ANKMY1: variants seen among roughly 807,000 people sequenced by gnomAD.
ANKMY1 encodes the protein ankyrin repeat and MYND domain-containing protein 1.
In ANKMY1, 98 loss-of-function variants were observed where a neutral mutation model predicts 102.0. The ratio of observed to expected loss-of-function variants is 0.96; its 90% CI spans 0.82 to 1.14. The LOEUF (loss-of-function observed/expected upper bound fraction) is 1.14, where lower values mean the gene tolerates loss of function less well. ANKMY1 is among the 50% of genes most tolerant of loss of function. ANKMY1 has a pLI of 0.00. For synonymous variants in ANKMY1, 582 were observed against 559.9 expected (o/e 1.04, Z -0.56); for missense variants, 1,330 against 1,347.6 (o/e 0.99, Z 0.20).
At chr2:240,550,883 T>C (rs1156345081) in intron 4 of ANKMY1, among the ~76,000 whole-genome samples, 1 of 152,228 alleles carries the variant, frequency 6.6e-6, no homozygotes, top group Non-Finnish European at 1.5e-5. Context: ...ACTTTTGTCA[T>C]CCACAATTGT....
chr2:240,561,030 G>C (rs1051616309), upstream of ANKMY1: 9 of 1,533,670 alleles, frequency 5.9e-6, no homozygotes, highest in Admixed American at 8.3e-5. Context: ...CGTCTGCACC[G>C]CGTACCTCAT....
chr2:240,544,889 A>T (rs1018886247), intron 4 of ANKMY1, among the ~76,000 whole-genome samples: 1 of 152,212 alleles, frequency 6.6e-6, no homozygotes, highest in Admixed American at 6.5e-5. Flanking sequence ...TTGCTAGCAC[A>T]GCAGTCTGAG....
chr2:240,497,861 G>C (rs73104100), intron 15 of ANKMY1, among the ~76,000 whole-genome samples: 1 of 152,034 alleles, frequency 6.6e-6, no homozygotes, highest in Non-Finnish European at 1.5e-5. Context: ...ATACTTCTCC[G>C]TAAGTGACAC....
rs757664795 is a variant in ANKMY1, at chr2:240,520,521, G to A, written c.1845C>T (p.Arg615=). 15 of 1,612,044 alleles carry A rather than the reference G, an allele frequency of 9.3e-6. No individual in the cohort carries two copies. The highest frequency in any genetic ancestry group is 1.2e-5 in the Non-Finnish European group (14 of 1,179,168). Residue 615 remains arginine (R), a synonymous_variant, in exon 9 of 18, where the codon CGC becomes CGT. Coordinates refer to ENST00000401804, the MANE Select transcript of ANKMY1 (RefSeq NM_001282771.3). The surrounding 1 kb of genome is among the most constrained non-coding windows in gnomAD (Gnocchi z 4.8). ...GCAGCAGCAGCTTGATGGTCCGCCA[G>A]CGCTTCCTCCGCCTGAAAAAGACGG... The part of the protein sequence containing the change: ...MALSMIERRK[R]WRTIKLLLRR...
At chr2:240,550,158 T>C (rs1375801454) in intron 4 of ANKMY1, among the ~76,000 whole-genome samples, 2 of 151,954 alleles carry the variant, frequency 1.3e-5, no homozygotes, top group South Asian at 2.1e-4. Context: ...AAATGTGGCA[T>C]ATATACACCA....
At chr2:240,518,454 G>A (rs754967122) in intron 9 of ANKMY1, among the ~76,000 whole-genome samples, 2 of 152,114 alleles carry the variant, frequency 1.3e-5, no homozygotes, top group Non-Finnish European at 2.9e-5. Flanking sequence ...ATTTTAGTCG[G>A]TTGAGGACAG....
chr2:240,538,447 C>T (rs913723878), intron 4 of ANKMY1, among the ~76,000 whole-genome samples: 24 of 152,174 alleles, frequency 1.6e-4, no homozygotes, highest in African/African-American at 5.1e-4. Flanking sequence ...GAGGGTGCGC[C>T]AGGTCCCTCA....
intron 4 of ANKMY1, among the ~76,000 whole-genome samples, chr2:240,531,868 A>T (rs1055765050): frequency 2.6e-5 from 4 of 152,236 alleles, no homozygotes; most frequent in Non-Finnish European, 5.9e-5. Context: ...TAAAATCAGT[A>T]AATCATGTTG....
chr2:240,483,870 T>A (rs1324649093), intron 15 of ANKMY1, among the ~76,000 whole-genome samples: 2 of 152,090 alleles, frequency 1.3e-5, no homozygotes. Context: ...AGTGTGTGAT[T>A]TTCCCCTCCC....
intron 13 of ANKMY1, among the ~76,000 whole-genome samples, chr2:240,501,323 C>T (rs757160220): frequency 6.6e-6 from 1 of 152,124 alleles, no homozygotes; most frequent in African/African-American, 2.4e-5. Context: ...ATGCATGCAC[C>T]TATGTGCATG....
intron 4 of ANKMY1, chr2:240,532,113 C>T (rs770352768): frequency 8.5e-6 from 4 of 468,166 alleles, no homozygotes; most frequent in South Asian, 4.7e-5. Flanking sequence ...TCCAGATCCA[C>T]AAATGGAAAC....
chr2:240,534,564 T>C (rs1464237158), intron 4 of ANKMY1, among the ~76,000 whole-genome samples: 3 of 150,768 alleles, frequency 2.0e-5, no homozygotes, highest in Non-Finnish European at 4.4e-5. Flanking sequence ...GTCACACCAC[T>C]GCACCCCAGC....
chr2:240,533,274 G>C (rs2085882341), intron 4 of ANKMY1, among the ~76,000 whole-genome samples: 1 of 152,078 alleles, frequency 6.6e-6, no homozygotes, highest in South Asian at 2.1e-4. Context: ...TGAGAAAAAA[G>C]AGAAGAAATG....
chr2:240,480,802 T>C, intron 17 of ANKMY1, 135 bp downstream of exon 17: 1 of 1,300,582 alleles, frequency 7.7e-7, no homozygotes, highest in South Asian at 1.6e-5. Flanking sequence ...CAGGCCGATC[T>C]GGAAATGTTG....
At chr2:240,482,316 C>T (rs548508562) in intron 15 of ANKMY1, 55 bp from the exon 16 acceptor site, 1 of 1,519,276 alleles carries the variant, frequency 6.6e-7, no homozygotes, top group Non-Finnish European at 9.0e-7. Flanking sequence ...GGGGCCACCA[C>T]TGCAGAAGCC....
rs1034858158 is a variant in ANKMY1, at chr2:240,520,641, G to C, written c.1833-108C>G. 7.4e-7 allele frequency: 1 copy of C among 1,350,990 alleles called. No homozygotes were observed. The highest frequency in any genetic ancestry group is 9.9e-7 in the Non-Finnish European group (1 of 1,011,120). The allele number at this position is 1,350,990 out of a possible 1,614,324, so 83.7% of individuals were successfully genotyped here. A position where few individuals can be genotyped will look rare whatever the true frequency, so the allele number is the denominator to read the frequency against. On this transcript the variant is annotated intron_variant, in intron 8 of 17. Transcript: ENST00000401804. The surrounding 1 kb of genome is among the most constrained non-coding windows in gnomAD (Gnocchi z 4.8). ...CTGGGGAGGGGCGCGTAGGGAGTAT[G>C]TGTGTGCCGCAACTACACAATCACA... is the stretch of plus-strand genomic sequence containing the variant.
Position 240,545,522 on chromosome 2 carries a change from C to T in ANKMY1, c.480+7392G>A, listed in dbSNP as rs1489567320. On this transcript the variant is annotated intron_variant, in intron 4 of 17. Coordinates refer to ENST00000401804, the MANE Select transcript of ANKMY1 (RefSeq NM_001282771.3). ...AAAGCTGGACGGAGAATGACTTTGA[C>T]GAGCTGAGAGAAGAAGGCTTCAGAC... Among the ~76,000 whole-genome samples, 8 of 150,728 alleles carry T rather than the reference C, an allele frequency of 5.3e-5. 1 individual carries two copies. The South Asian group carries it at 1.0e-3, about 19-fold the overall frequency.
chr2:240,552,898 A>T lies in ANKMY1; in HGVS notation c.480+16T>A. The T allele has an allele frequency of 3.1e-6, 5 of 1,613,140 alleles. No individual in the cohort carries two copies. The highest frequency in any genetic ancestry group is 4.2e-6 in the Non-Finnish European group (5 of 1,179,964). On this transcript the variant is annotated intron_variant, in intron 4 of 17. Coordinates refer to ENST00000401804, the MANE Select transcript of ANKMY1 (RefSeq NM_001282771.3). ...AGCCACTTCGACCCCAGCTGAACAC[A>T]TGGCAGCCCCCTCACCTGGAAAAGC...
chr2:240,487,760 C>T (rs2076218893), intron 15 of ANKMY1, among the ~76,000 whole-genome samples: 1 of 151,964 alleles, frequency 6.6e-6, no homozygotes, highest in Non-Finnish European at 1.5e-5. Flanking sequence ...TTCATACACC[C>T]ACTGGCTGTT....
Sources: gnomAD v4.1 joint callset for allele counts (sites outside exome capture counted in the v4.1 genomes callset) on GRCh38, gnomAD v4.1.1 for gene constraint, Gnocchi (gnomAD v3.1) non-coding constraint, MANE v1.5 for transcripts, NCBI Gene and HGNC (gene_info 2026-07-23, HGNC 2026-07-21) for gene names.